HMCN1: variants seen among roughly 807,000 people sequenced by gnomAD.
HMCN1 encodes hemicentin-1.
A neutral mutation model predicts 625.9 loss-of-function variants in HMCN1; 321 were observed. That is an observed-to-expected ratio of 0.51 (90% CI 0.47 to 0.56). The LOEUF (loss-of-function observed/expected upper bound fraction) is 0.56. Ranked by LOEUF, HMCN1 falls within the 20% of genes least tolerant of loss-of-function variation. HMCN1 has a pLI of 0.00. For synonymous variants in HMCN1, 2,425 were observed against 2,417.6 expected, an observed-to-expected ratio of 1.00 and a Z score of -0.09; for missense variants, 6,588 against 6,887.3, an observed-to-expected ratio of 0.96 and a Z score of 1.54.
intron 10 of HMCN1, among the ~76,000 whole-genome samples, chr1:185,931,988 G>A (rs531153196): frequency 6.6e-6 from 1 of 152,132 alleles, no homozygotes; most frequent in African/African-American, 2.4e-5. Context: ...AGGATGCCCA[G>A]TTAAATTTGA....
In HMCN1 at chr1:186,130,649, C is replaced by T; in HGVS notation, c.13182C>T (p.His4394=). 2 of 1,613,418 alleles carry T rather than the reference C, an allele frequency of 1.2e-6. No individual in the cohort carries two copies. The highest frequency in any genetic ancestry group is 1.7e-6 in the Non-Finnish European group (2 of 1,179,628). The change falls in exon 85 of 107, where the codon CAC becomes CAT. Residue 4394 remains histidine, a synonymous_variant. Transcript: ENST00000271588. ...NRKGVDIEIS[H]RIRQLGNGSL... ...AGGGAGTGGATATTGAAATTAGCCA[C>T]AGAATCCGGCAACTGGGCAATGGCT...
chr1:186,076,386 A>G (rs1318678644), intron 53 of HMCN1, 42 bp from the exon 54 acceptor site: 2 of 1,550,758 alleles, frequency 1.3e-6, no homozygotes, highest in Non-Finnish European at 8.9e-7. Flanking sequence ...TCTTTGTTTA[A>G]GCATTTATAT....
intron 1 of HMCN1, among the ~76,000 whole-genome samples, chr1:185,780,032 G>T (rs1656947731): frequency 6.6e-6 from 1 of 152,178 alleles, no homozygotes. Context: ...TTGAGCAGAG[G>T]TTTGTAGTTC....
chr1:185,881,408 C>G (rs1323886840), intron 4 of HMCN1, among the ~76,000 whole-genome samples: 1 of 152,182 alleles, frequency 6.6e-6, no homozygotes, highest in East Asian at 1.9e-4. Flanking sequence ...AGCTGTCCCT[C>G]TAAAGTCAAG....
At chr1:185,933,950 T>A in intron 11 of HMCN1, 126 bp downstream of exon 11, 1 of 847,580 alleles carries the variant, frequency 1.2e-6, no homozygotes, top group Non-Finnish European at 2.0e-6. Context: ...TTTTAAGTGA[T>A]AGAATGCTTA....
intron 36 of HMCN1, among the ~76,000 whole-genome samples, chr1:186,030,058 T>C (rs992374101): frequency 6.6e-6 from 1 of 152,156 alleles, no homozygotes; most frequent in Non-Finnish European, 1.5e-5. Flanking sequence ...CTAAATTTCA[T>C]TGTGCTGGAG....
intron 1 of HMCN1, among the ~76,000 whole-genome samples, chr1:185,748,889 A>C (rs1311311448): frequency 1.3e-5 from 2 of 152,244 alleles, no homozygotes; most frequent in African/African-American, 2.4e-5. Context: ...CCTAGAGTCA[A>C]AACACTTGAG....
Position 186,004,894 on chromosome 1 carries a change from A to G in HMCN1, c.4475+1050A>G, listed in dbSNP as rs116029494. Reference sequence around the variant, plus strand: ...GGAGAATAGGTAGATACTTTACGGCATAATCATATTATGGAACACTGCTCA... The same window carrying G: ...GGAGAATAGGTAGATACTTTACGGCGTAATCATATTATGGAACACTGCTCA... On this transcript the variant is annotated intron_variant, in intron 29 of 106. Coordinates refer to ENST00000271588, the MANE Select transcript of HMCN1 (RefSeq NM_031935.3). Among the ~76,000 whole-genome samples the G allele has an allele frequency of 4.6e-3, 697 of 152,262 alleles. 8 individuals carry two copies. The highest frequency in any genetic ancestry group is 0.016 in the African/African-American group (655 of 41,556).
chr1:185,912,717 A>T (rs576370694), intron 6 of HMCN1, among the ~76,000 whole-genome samples: 3 of 152,230 alleles, frequency 2.0e-5, no homozygotes, highest in South Asian at 2.1e-4. Context: ...AACACACTCC[A>T]GGTGTCCACT....
rs1655936869 is a variant in HMCN1, at chr1:186,037,829, G to A, written c.5750-105G>A. ...TCCAAATAGGTCAGTGTATATATGT[G>A]AAAAAAAGAAGAGAGGAAGAAAAAT... On this transcript the variant is annotated intron_variant, in intron 36 of 106. Transcript: ENST00000271588. The A allele has an allele frequency of 1.1e-5, 8 of 745,012 alleles. No individual in the cohort carries two copies. The Admixed American group carries it at 1.2e-4, about 11-fold the overall frequency. The allele number at this position is 745,012 out of a possible 1,614,324, so 46.2% of individuals were successfully genotyped here.
chr1:186,063,069 T>C (rs1186590324), intron 48 of HMCN1, among the ~76,000 whole-genome samples: 1 of 72,032 alleles, frequency 1.4e-5, no homozygotes, highest in South Asian at 4.4e-4. Context: ...TGTGTGTGCA[T>C]ATATATATAT....
At chr1:186,062,305 A>G (rs1232446726) in intron 47 of HMCN1, among the ~76,000 whole-genome samples, 3 of 152,318 alleles carry the variant, frequency 2.0e-5, no homozygotes, top group Admixed American at 2.0e-4. Flanking sequence ...AATGATTTAC[A>G]TTACAATAAA....
At chr1:185,811,746 A>T (rs557466400) in intron 1 of HMCN1, among the ~76,000 whole-genome samples, 28 of 152,260 alleles carry the variant, frequency 1.8e-4, no homozygotes, top group Non-Finnish European at 3.5e-4. Context: ...AAAAATACAC[A>T]TATGTATATA....
intron 1 of HMCN1, among the ~76,000 whole-genome samples, chr1:185,841,432 C>T (rs889762900): frequency 5.3e-5 from 8 of 152,024 alleles, no homozygotes; most frequent in Non-Finnish European, 7.4e-5. Context: ...AAATTGTTTC[C>T]GTTGATTAAT....
At chr1:185,802,164 A>C (rs1309296777) in intron 1 of HMCN1, among the ~76,000 whole-genome samples, 2 of 152,148 alleles carry the variant, frequency 1.3e-5, no homozygotes, top group Non-Finnish European at 2.9e-5. Context: ...GAGTGAGGCT[A>C]GGCATGGGGT....
Position 186,117,515 on chromosome 1 carries a change from G to C in HMCN1, c.11740G>C (p.Ala3914Pro). ...TTTCCTAGTAACCAAACATGCCCCA[G>C]CAGTAATTACCTGCACTGCTTCGGG... is the stretch of plus-strand genomic sequence containing the variant. The part of the protein sequence containing the change: ...TDFLVTKHAP[A>P]VITCTASGVP... The change falls in exon 77 of 107, where the codon GCA (alanine) becomes CCA (proline). Residue 3914 changes from alanine to proline, a missense_variant. Ala to Pro is a conservative substitution (Grantham distance 27). Coordinates refer to ENST00000271588, the MANE Select transcript of HMCN1 (RefSeq NM_031935.3). The C allele has an allele frequency of 6.2e-7, 1 of 1,613,836 alleles. No homozygotes were observed. The highest frequency in any genetic ancestry group is 8.5e-7 in the Non-Finnish European group (1 of 1,179,836).
At chr1:185,993,078 A>G in intron 22 of HMCN1, 104 bp from the exon 23 acceptor site, 1 of 1,181,894 alleles carries the variant, frequency 8.5e-7, no homozygotes, top group Non-Finnish European at 1.3e-6. Flanking sequence ...AAAATGGTTT[A>G]AAAAACTACT....
chr1:186,139,477 A>G (rs1382489334), intron 89 of HMCN1, among the ~76,000 whole-genome samples: 2 of 152,152 alleles, frequency 1.3e-5, no homozygotes, highest in Non-Finnish European at 2.9e-5. Context: ...TAATAACTAA[A>G]TGATATTTGT....
intron 102 of HMCN1, among the ~76,000 whole-genome samples, chr1:186,173,296 T>C (rs549486810): frequency 1.3e-5 from 2 of 152,106 alleles, no homozygotes; most frequent in African/African-American, 4.8e-5. Flanking sequence ...TTCATGGTGG[T>C]TTAGTATAAT....
Sources: gnomAD v4.1 joint callset for allele counts (sites outside exome capture counted in the v4.1 genomes callset) on GRCh38, gnomAD v4.1.1 for gene constraint, MANE v1.5 for transcripts, NCBI Gene and HGNC (gene_info 2026-07-23, HGNC 2026-07-21) for gene names.